The following GPC5 variants were observed in gnomAD, a reference collection of about 807,000 sequenced individuals.
GPC5 encodes glypican 5.
A neutral mutation model predicts 53.9 loss-of-function variants in GPC5; 47 were observed. The observed-to-expected ratio is 0.87, with a 90% CI of 0.69 to 1.11. The LOEUF is 1.11. Ranked by LOEUF, GPC5 falls within the 50% of genes most tolerant of loss-of-function variation. The probability of loss-of-function intolerance (pLI) is 0.00; values close to 1 mark genes in which losing one functional copy is unlikely to be tolerated. For synonymous variants in GPC5, 286 were observed against 263.3 expected (o/e 1.09, Z -0.84); for missense variants, 748 against 713.1 (o/e 1.05, Z -0.56).
At chr13:92,829,071 C>T (rs1485813170) in intron 7 of GPC5, among the ~76,000 whole-genome samples, 1 of 152,138 alleles carries the variant, frequency 6.6e-6, no homozygotes, top group African/African-American at 2.4e-5. Context: ...GCCACCTTCT[C>T]ATACAGCAAA....
intron 7 of GPC5, among the ~76,000 whole-genome samples, chr13:92,704,514 A>C (rs1370728315): frequency 6.6e-6 from 1 of 152,010 alleles, no homozygotes; most frequent in African/African-American, 2.4e-5. Context: ...CAGAAGCAAA[A>C]TCCTTTCAAG....
intron 7 of GPC5, among the ~76,000 whole-genome samples, chr13:92,356,511 G>A (rs2043523713): frequency 2.6e-5 from 4 of 152,274 alleles, no homozygotes; most frequent in Admixed American, 2.0e-4. Flanking sequence ...CCCTTACTTG[G>A]AGAGGTAAGT....
At chr13:92,259,550 C>T (rs1422268577) in intron 7 of GPC5, among the ~76,000 whole-genome samples, 1 of 152,134 alleles carries the variant, frequency 6.6e-6, no homozygotes, top group Admixed American at 6.6e-5. Context: ...ATAGTCTACC[C>T]TATCATTCCC....
intron 7 of GPC5, among the ~76,000 whole-genome samples, chr13:92,802,603 G>A (rs1876949609): frequency 1.3e-5 from 2 of 151,704 alleles, no homozygotes; most frequent in Non-Finnish European, 2.9e-5. Context: ...ACACACCATG[G>A]AATACTATGC....
intron 7 of GPC5, among the ~76,000 whole-genome samples, chr13:92,376,144 A>G (rs1236502484): frequency 1.3e-5 from 2 of 152,182 alleles, no homozygotes; most frequent in Non-Finnish European, 2.9e-5. Flanking sequence ...ATGGAGTACT[A>G]GAGTTGAGCT....
intron 5 of GPC5, among the ~76,000 whole-genome samples, chr13:91,809,697 TG>T (rs1594583953): frequency 3.3e-5 from 5 of 152,264 alleles, no homozygotes; most frequent in East Asian, 3.9e-4. Flanking sequence ...TCTCCTGCTT[TG>T]TTTTTTTAAT....
intron 7 of GPC5, among the ~76,000 whole-genome samples, chr13:92,512,691 T>G (rs756946895): frequency 1.3e-5 from 2 of 152,224 alleles, no homozygotes; most frequent in Non-Finnish European, 2.9e-5. Flanking sequence ...AGGGTTCACA[T>G]TATTCATGCT....
At chr13:91,725,008 G>T (rs567926858) in intron 3 of GPC5, 1 of 152,348 alleles carries the variant, frequency 6.6e-6, no homozygotes, top group South Asian at 2.1e-4. Context: ...GTGCACAGTT[G>T]GGGGAGGCTC....
intron 2 of GPC5, among the ~76,000 whole-genome samples, chr13:91,481,350 T>C (rs1210098026): frequency 6.6e-6 from 1 of 152,170 alleles, no homozygotes; most frequent in Non-Finnish European, 1.5e-5. Flanking sequence ...TATTGCTCTT[T>C]TGGGGTGAAG....
intron 6 of GPC5, among the ~76,000 whole-genome samples, chr13:92,041,782 C>T (rs904051384): frequency 2.0e-5 from 3 of 152,182 alleles, no homozygotes; most frequent in African/African-American, 4.8e-5. Context: ...CAACACTCGA[C>T]GAAAGTGAGA....
chr13:92,743,842 T>C (rs1435093519), intron 7 of GPC5, among the ~76,000 whole-genome samples: 1 of 152,190 alleles, frequency 6.6e-6, no homozygotes, highest in East Asian at 1.9e-4. Context: ...ATCGAGATAA[T>C]CATGTGGTTT....
intron 5 of GPC5, among the ~76,000 whole-genome samples, chr13:91,884,294 G>T (rs1343972078): frequency 6.6e-6 from 1 of 152,158 alleles, no homozygotes; most frequent in Non-Finnish European, 1.5e-5. Context: ...AAAGAAACAT[G>T]CATGCCTATG....
intron 7 of GPC5, among the ~76,000 whole-genome samples, chr13:92,202,420 T>C (rs956408169): frequency 2.0e-5 from 3 of 152,198 alleles, no homozygotes; most frequent in African/African-American, 7.2e-5. Context: ...GGACAGCTAA[T>C]CAAGTGAGTG....
intron 2 of GPC5, among the ~76,000 whole-genome samples, chr13:91,471,917 A>G (rs1000435301): frequency 2.6e-5 from 4 of 152,162 alleles, no homozygotes; most frequent in Non-Finnish European, 5.9e-5. Context: ...TTAGGATTTT[A>G]GATTATGTCG....
chr13:92,400,099 G>A (rs757054199), intron 7 of GPC5, among the ~76,000 whole-genome samples: 9 of 152,108 alleles, frequency 5.9e-5, no homozygotes, highest in East Asian at 5.8e-4. Context: ...TACAGAGTCC[G>A]TTTTAAAAAG....
chr13:92,215,886 C>T (rs2139080922), intron 7 of GPC5, among the ~76,000 whole-genome samples: 1 of 152,196 alleles, frequency 6.6e-6, no homozygotes, highest in African/African-American at 2.4e-5. Context: ...GCAGTGGGCT[C>T]CGTTTGAGGG....
chr13:91,971,937 AT>A (rs1043699305), intron 6 of GPC5, among the ~76,000 whole-genome samples: 1 of 152,094 alleles, frequency 6.6e-6, no homozygotes, highest in African/African-American at 2.4e-5. Context: ...AAAAATGTAT[AT>A]TCTGTTGATT....
chr13:92,306,269 T>G (rs2139204090), intron 7 of GPC5, among the ~76,000 whole-genome samples: 1 of 152,350 alleles, frequency 6.6e-6, no homozygotes, highest in South Asian at 2.1e-4. Flanking sequence ...TAATCCCTCC[T>G]TTCCTTACTT....
intron 7 of GPC5, among the ~76,000 whole-genome samples, chr13:92,653,790 G>A (rs971199167): frequency 6.6e-6 from 1 of 152,200 alleles, no homozygotes; most frequent in African/African-American, 2.4e-5. Flanking sequence ...AGGATCCTGA[G>A]AAATCACACT....
Sources: gnomAD v4.1 joint callset for allele counts (sites outside exome capture counted in the v4.1 genomes callset) on GRCh38, gnomAD v4.1.1 for gene constraint, MANE v1.5 for transcripts, NCBI Gene and HGNC (gene_info 2026-07-23, HGNC 2026-07-21) for gene names.